The following TMC1 variants were observed in gnomAD, a reference collection of about 807,000 sequenced individuals.
TMC1 encodes the protein transmembrane channel-like protein 1.
Under a neutral mutation model 105.8 loss-of-function variants are expected in TMC1, and 84 were observed. That is an observed-to-expected ratio of 0.79 (90% CI 0.67 to 0.95). The LOEUF (loss-of-function observed/expected upper bound fraction) is 0.95. TMC1 is among the 40% of genes least tolerant of loss of function. TMC1 has a pLI of 0.00. For missense variants in TMC1, 817 were observed against 914.1 expected, an observed-to-expected ratio of 0.89 and a Z score of 1.37; for synonymous variants, 315 against 311.5, an observed-to-expected ratio of 1.01 and a Z score of -0.12.
chr9:72,561,513 A>G (rs181775672), intron 1 of TMC1, among the ~76,000 whole-genome samples: 5 of 152,278 alleles, frequency 3.3e-5, no homozygotes, highest in African/African-American at 9.6e-5. Flanking sequence ...TGGTCTCACT[A>G]TAAGCCATAG....
chr9:72,813,056 C>A (rs1021834524), intron 18 of TMC1, among the ~76,000 whole-genome samples: 2 of 152,132 alleles, frequency 1.3e-5, no homozygotes, highest in African/African-American at 2.4e-5. Flanking sequence ...ATGCTGGCCC[C>A]CAACAGTCTT....
At chr9:72,663,755 T>A (rs988275899) in intron 5 of TMC1, among the ~76,000 whole-genome samples, 3 of 151,602 alleles carry the variant, frequency 2.0e-5, no homozygotes, top group African/African-American at 7.3e-5. Context: ...CTATAAGTTT[T>A]TTACTTTTTG....
chr9:72,831,354 T>C (rs1462495624), intron 23 of TMC1, among the ~76,000 whole-genome samples: 2 of 152,254 alleles, frequency 1.3e-5, no homozygotes, highest in African/African-American at 2.4e-5. Context: ...ATTGGTTTAA[T>C]TGAGAAAGAG....
chr9:72,707,055 G>A (rs958533273), intron 8 of TMC1, among the ~76,000 whole-genome samples: 5 of 152,104 alleles, frequency 3.3e-5, no homozygotes, highest in African/African-American at 9.7e-5. Flanking sequence ...GATTACAGGC[G>A]TAAGCCACCA....
intron 18 of TMC1, among the ~76,000 whole-genome samples, chr9:72,806,818 G>A (rs961488721): frequency 2.0e-5 from 3 of 151,474 alleles, no homozygotes; most frequent in African/African-American, 4.9e-5. Flanking sequence ...CATCCCAGAC[G>A]ATGGGCGGCC....
chr9:72,763,623 T>A (rs1301390816), intron 12 of TMC1, among the ~76,000 whole-genome samples: 2 of 152,114 alleles, frequency 1.3e-5, no homozygotes, highest in African/African-American at 4.8e-5. Context: ...AGTAAGAACA[T>A]CAATTACAGA....
intron 2 of TMC1, among the ~76,000 whole-genome samples, chr9:72,607,002 T>TATAGAGAGAGAGAGAGAGAGAGAG (rs372785242): frequency 1.8e-4 from 24 of 134,902 alleles, no homozygotes; most frequent in Non-Finnish European, 2.8e-4. Context: ...TATATATATA[T>TATAGAGAGAGAGAGAGAGAGAGAG]AGAGAGAGAG....
chr9:72,659,507 G>A (rs1171245680), intron 5 of TMC1, among the ~76,000 whole-genome samples: 2 of 152,138 alleles, frequency 1.3e-5, no homozygotes, highest in African/African-American at 4.8e-5. Flanking sequence ...GGTGGCATGT[G>A]CCTGTAGTCC....
At chr9:72,642,249 C>G (rs1017539494) in intron 4 of TMC1, among the ~76,000 whole-genome samples, 14 of 152,280 alleles carry the variant, frequency 9.2e-5, no homozygotes, top group East Asian at 3.9e-4. Context: ...TGCAAATTCT[C>G]TATTCCAGGA....
intron 2 of TMC1, among the ~76,000 whole-genome samples, chr9:72,601,191 C>CAG (rs764988331): frequency 3.9e-4 from 51 of 132,004 alleles, no homozygotes; most frequent in African/African-American, 5.2e-4. Context: ...CACACACACA[C>CAG]ACAGACACAC....
intron 6 of TMC1, among the ~76,000 whole-genome samples, chr9:72,689,234 T>G (rs1186759820): frequency 6.6e-6 from 1 of 152,074 alleles, no homozygotes; most frequent in Admixed American, 6.6e-5. Context: ...TCTCTAAGCA[T>G]GCATTTCTTT....
intron 2 of TMC1, among the ~76,000 whole-genome samples, chr9:72,615,919 A>AT (rs1012394770): frequency 2.0e-5 from 3 of 151,690 alleles, no homozygotes; most frequent in South Asian, 2.1e-4. Flanking sequence ...CACTCAGCTA[A>AT]TTTTTTTTAA....
intron 8 of TMC1, among the ~76,000 whole-genome samples, chr9:72,730,728 T>G (rs1827197413): frequency 6.6e-6 from 1 of 152,188 alleles, no homozygotes; most frequent in Non-Finnish European, 1.5e-5. Flanking sequence ...CACCATAATG[T>G]GGAATCAGTG....
At chr9:72,720,142 A>C (rs968245457) in intron 8 of TMC1, among the ~76,000 whole-genome samples, 3 of 152,142 alleles carry the variant, frequency 2.0e-5, no homozygotes, top group Non-Finnish European at 2.9e-5. Context: ...TTGACTTTAC[A>C]TATAAGGAAA....
At chr9:72,557,778 G>T (rs780913526) in intron 1 of TMC1, among the ~76,000 whole-genome samples, 3 of 152,126 alleles carry the variant, frequency 2.0e-5, no homozygotes, top group African/African-American at 4.8e-5. Flanking sequence ...TTTGCCTGTG[G>T]CATTGATCTG....
intron 9 of TMC1, 105 bp downstream of exon 9, chr9:72,740,314 A>G: frequency 2.2e-6 from 2 of 921,484 alleles, no homozygotes; most frequent in South Asian, 1.4e-5. Context: ...TATATATAAA[A>G]CACAAATACT....
At chr9:72,822,001 G>A (rs113562992) in intron 20 of TMC1, among the ~76,000 whole-genome samples, 2 of 152,296 alleles carry the variant, frequency 1.3e-5, no homozygotes, top group African/African-American at 2.4e-5. Context: ...GTCAGGAATC[G>A]AGAGTCACAA....
chr9:72,535,460 T>G (rs1823566946), intron 1 of TMC1, among the ~76,000 whole-genome samples: 1 of 152,186 alleles, frequency 6.6e-6, no homozygotes, highest in African/African-American at 2.4e-5. Context: ...TAATCCAACC[T>G]ATAAACCATA....
At chr9:72,705,419 T>G (rs969817998) in intron 8 of TMC1, among the ~76,000 whole-genome samples, 7 of 152,148 alleles carry the variant, frequency 4.6e-5, no homozygotes, top group African/African-American at 1.7e-4. Context: ...ACAGATAAAT[T>G]GGATTGTGGA....
Sources: gnomAD v4.1 joint callset for allele counts (sites outside exome capture counted in the v4.1 genomes callset) on GRCh38, gnomAD v4.1.1 for gene constraint, MANE v1.5 for transcripts, NCBI Gene and HGNC (gene_info 2026-07-23, HGNC 2026-07-21) for gene names.